GRID2: variants seen among roughly 807,000 people sequenced by gnomAD.
GRID2 encodes glutamate ionotropic receptor delta type subunit 2.
In GRID2, 33 loss-of-function variants were observed where a neutral mutation model predicts 114.8. That is an observed-to-expected ratio of 0.29 (90% CI 0.22 to 0.38). The LOEUF is 0.38. GRID2 is among the 10% of genes least tolerant of loss of function. The probability of loss-of-function intolerance (pLI) is 1.00; values close to 1 mark genes in which losing one functional copy is unlikely to be tolerated. For synonymous variants in GRID2, 505 were observed against 449.9 expected (o/e 1.12, Z -1.55); for missense variants, 1,184 against 1,257.7 (o/e 0.94, Z 0.89).
chr4:92,942,914 T>C lies in GRID2; in HGVS notation c.245-142081T>C, dbSNP rs370552120. Among the ~76,000 whole-genome samples the C allele has an allele frequency of 2.0e-5, 3 of 152,222 alleles. No individual in the cohort carries two copies. In the South Asian group the frequency reaches 6.2e-4, roughly 31 times the overall value. ...ATATTGGCCCCCACTCTCTTCTGGCTTGTAGAGTTTCTGCCGAGAGATCTG... is the reference window on the plus strand; with the variant it reads ...ATATTGGCCCCCACTCTCTTCTGGCCTGTAGAGTTTCTGCCGAGAGATCTG... On this transcript the variant is annotated intron_variant, in intron 2 of 15. Coordinates refer to ENST00000282020, the MANE Select transcript of GRID2 (RefSeq NM_001510.4).
chr4:93,478,774 G>T (rs1180120973), intron 11 of GRID2, among the ~76,000 whole-genome samples: 1 of 151,984 alleles, frequency 6.6e-6, no homozygotes, highest in Non-Finnish European at 1.5e-5. Context: ...GTGGAAAGAA[G>T]GAACTGCTAT....
At chr4:93,305,413 A>G (rs1350949470) in intron 8 of GRID2, among the ~76,000 whole-genome samples, 1 of 152,212 alleles carries the variant, frequency 6.6e-6, no homozygotes, top group Non-Finnish European at 1.5e-5. Context: ...TAGAGGAAAG[A>G]TAAGCTGAAT....
At chr4:92,766,477 C>G (rs1319635182) in intron 2 of GRID2, among the ~76,000 whole-genome samples, 1 of 135,796 alleles carries the variant, frequency 7.4e-6, no homozygotes, top group African/African-American at 2.8e-5. Flanking sequence ...GTGGAGCTTG[C>G]GGTGAGCCGA....
intron 2 of GRID2, among the ~76,000 whole-genome samples, chr4:92,749,081 C>T (rs1370084759): frequency 6.6e-6 from 1 of 151,672 alleles, no homozygotes. Context: ...GCAACCTCCA[C>T]CTCCCAGGTG....
intron 2 of GRID2, among the ~76,000 whole-genome samples, chr4:92,692,394 A>T (rs771955395): frequency 6.6e-6 from 1 of 152,150 alleles, no homozygotes; most frequent in African/African-American, 2.4e-5. Flanking sequence ...AATAGCCATA[A>T]TGTTCTTTCA....
At chr4:92,838,503 A>G (rs1742636226) in intron 2 of GRID2, among the ~76,000 whole-genome samples, 1 of 152,082 alleles carries the variant, frequency 6.6e-6, no homozygotes, top group African/African-American at 2.4e-5. Context: ...AAACATAAAT[A>G]CACATCAAGA....
chr4:93,626,142 G>A, intron 13 of GRID2, 127 bp from the exon 14 acceptor site: 3 of 574,876 alleles, frequency 5.2e-6, no homozygotes, highest in Non-Finnish European at 9.1e-6. Context: ...ACTGAAGGAT[G>A]ATTATATGTT....
At chr4:92,389,672 G>A (rs1354559042) in intron 1 of GRID2, among the ~76,000 whole-genome samples, 1 of 152,026 alleles carries the variant, frequency 6.6e-6, no homozygotes, top group Admixed American at 6.6e-5. Flanking sequence ...CATTTACAAA[G>A]GTCTCTTTTA....
At chr4:92,898,286 C>G (rs1747315617) in intron 2 of GRID2, among the ~76,000 whole-genome samples, 1 of 151,940 alleles carries the variant, frequency 6.6e-6, no homozygotes, top group African/African-American at 2.4e-5. Context: ...TTTCAGTTGC[C>G]AGAAAAACAA....
At chr4:93,023,744 A>G (rs1341323632) in intron 2 of GRID2, among the ~76,000 whole-genome samples, 5 of 151,874 alleles carry the variant, frequency 3.3e-5, no homozygotes, top group South Asian at 4.1e-4. Flanking sequence ...ACACGTCGGA[A>G]TATGATGGGT....
At chr4:92,315,489 G>A (rs940949630) in intron 1 of GRID2, among the ~76,000 whole-genome samples, 5 of 152,156 alleles carry the variant, frequency 3.3e-5, no homozygotes, top group African/African-American at 4.8e-5. Flanking sequence ...TCTTGGGGTG[G>A]TGAAATATCA....
intron 1 of GRID2, among the ~76,000 whole-genome samples, chr4:92,443,664 A>T (rs1337691131): frequency 1.3e-5 from 2 of 151,974 alleles, no homozygotes; most frequent in African/African-American, 4.8e-5. Flanking sequence ...AAGGGGTTGG[A>T]GTACTTGCCC....
chr4:93,472,954 A>C (rs1724981763), intron 11 of GRID2, among the ~76,000 whole-genome samples: 1 of 151,964 alleles, frequency 6.6e-6, no homozygotes, highest in Non-Finnish European at 1.5e-5. Context: ...TAAACCAGAA[A>C]CCCACACGAC....
intron 1 of GRID2, among the ~76,000 whole-genome samples, chr4:92,379,718 A>G (rs546735287): frequency 2.6e-5 from 4 of 152,106 alleles, no homozygotes; most frequent in Admixed American, 2.6e-4. Context: ...ATCTTTATTA[A>G]TGCATGAGGC....
At chr4:93,717,028 T>C (rs1728958454) in intron 14 of GRID2, among the ~76,000 whole-genome samples, 1 of 152,136 alleles carries the variant, frequency 6.6e-6, no homozygotes, top group African/African-American at 2.4e-5. Context: ...CAGAGTGCTT[T>C]ATCAGCTTCA....
rs79701130 is a variant in GRID2, at chr4:92,334,165, C to T, written c.88+29421C>T. ...TACTCCGTTTTGCAATAACTTGTTC[C>T]TCATTTCTGTCTTAGACCTCATTGG... On this transcript the variant is annotated intron_variant, in intron 1 of 15. Transcript: ENST00000282020. Among the ~76,000 whole-genome samples, 881 of 152,302 alleles carry T rather than the reference C, an allele frequency of 5.8e-3. 2 individuals are homozygous for T. The highest frequency in any genetic ancestry group is 0.02 in the African/African-American group (852 of 41,570).
chr4:93,519,238 T>A (rs556526808), intron 13 of GRID2, among the ~76,000 whole-genome samples: 2 of 152,238 alleles, frequency 1.3e-5, no homozygotes, highest in Non-Finnish European at 2.9e-5. Context: ...TAACATATTT[T>A]GGCAAATCAT....
intron 13 of GRID2, among the ~76,000 whole-genome samples, chr4:93,594,988 A>T (rs1020694873): frequency 2.0e-5 from 3 of 152,164 alleles, no homozygotes; most frequent in Admixed American, 2.0e-4. Flanking sequence ...GGTACCTCAG[A>T]TGGAAATGCA....
intron 8 of GRID2, among the ~76,000 whole-genome samples, chr4:93,362,418 A>T (rs553534119): frequency 1.4e-3 from 211 of 151,772 alleles, no homozygotes; most frequent in African/African-American, 4.8e-3. Context: ...CATCCTCCTC[A>T]TGGCAGTCAA....
Sources: allele counts gnomAD v4.1 joint callset (sites outside exome capture counted in the v4.1 genomes callset), GRCh38; gene constraint gnomAD v4.1.1; transcripts MANE v1.5; gene names NCBI Gene and HGNC (gene_info 2026-07-23, HGNC 2026-07-21).